The following PAK6 variants were observed in gnomAD, a reference collection of about 807,000 sequenced individuals.
PAK6 encodes serine/threonine-protein kinase PAK 6.
In PAK6, 33 loss-of-function variants were observed where a neutral mutation model predicts 60.8. That is an observed-to-expected ratio of 0.54 (90% CI 0.41 to 0.73). The LOEUF (loss-of-function observed/expected upper bound fraction) is 0.73, where lower values mean the gene tolerates loss of function less well. PAK6 is among the 30% of genes least tolerant of loss of function. The probability of loss-of-function intolerance (pLI) is 0.00; values close to 1 mark genes in which losing one functional copy is unlikely to be tolerated. For missense variants in PAK6, 845 were observed against 904.1 expected, an observed-to-expected ratio of 0.93 and a Z score of 0.84; for synonymous variants, 404 against 378.5, an observed-to-expected ratio of 1.07 and a Z score of -0.78.
At chr15:40,260,899 T>TC in intron 3 of PAK6, among the ~76,000 whole-genome samples, 1 of 151,996 alleles carries the variant, frequency 6.6e-6, no homozygotes, top group African/African-American at 2.4e-5. Flanking sequence ...AATTTCATTT[T>TC]TTTTTTTGAG....
chr15:40,245,803 C>T (rs1245968115), intron 2 of PAK6: 1 of 152,434 alleles, frequency 6.6e-6, no homozygotes. Flanking sequence ...CTGCCCAGCA[C>T]TCTTGCTACC....
At position 40,266,470 on chromosome 15, in the gene PAK6, A is replaced by T. The variant is rs759719893; in HGVS notation, c.833A>T (p.Lys278Met). Residue 278 changes from lysine to methionine, a missense_variant, in exon 5 of 11, where the codon AAG (lysine) becomes ATG (methionine). Physicochemically the swap from Lys to Met is moderately conservative, Grantham distance 95. Coordinates refer to ENST00000560346, the Ensembl canonical transcript of PAK6. The stretch of plus-strand genomic sequence containing the variant: ...GCCACAGCCCCTCCAAGCAGCAGCA[A>T]GCCAGGCCCTCCACCACAGAGCAAG... The T allele has an allele frequency of 3.7e-6, 6 of 1,609,720 alleles. No homozygotes were observed. The African/African-American group carries it at 8.0e-5, about 21-fold the overall frequency.
intron 10 of PAK6, among the ~76,000 whole-genome samples, chr15:40,274,707 G>C (rs1159227740): frequency 6.6e-6 from 1 of 152,248 alleles, no homozygotes; most frequent in African/African-American, 2.4e-5. Context: ...CGGCGAGTCG[G>C]CTCATGCTCC....
chr15:40,258,198 C>T (rs1249735295), intron 3 of PAK6, among the ~76,000 whole-genome samples: 2 of 152,240 alleles, frequency 1.3e-5, no homozygotes, highest in Non-Finnish European at 2.9e-5. Flanking sequence ...CACAGGTCAG[C>T]CCAGGAAAGA....
At chr15:40,245,753 A>G (rs973877314) in intron 2 of PAK6, 2 of 152,400 alleles carry the variant, frequency 1.3e-5, no homozygotes, top group Admixed American at 1.3e-4. Flanking sequence ...ACAGCTAACT[A>G]ATGGCAGAGT....
At chr15:40,265,992 G>A (rs370496102) in exon 5 of PAK6, 1 of 1,602,036 alleles carries the variant, frequency 6.2e-7, no homozygotes, top group Non-Finnish European at 8.5e-7. Context: ...GCTGCTGGGG[G>A]ATGAGCACTG....
intron 3 of PAK6, chr15:40,259,386 T>A (rs2038923103): frequency 6.6e-6 from 1 of 152,280 alleles, no homozygotes; most frequent in Non-Finnish European, 1.5e-5. Context: ...TGTTTTGTCC[T>A]GGGTGATTCA....
chr15:40,275,280 G>GTTTTCTTTTTTTTTTTTTTTTTT (rs1448905930), intron 10 of PAK6, among the ~76,000 whole-genome samples: 4 of 56,486 alleles, frequency 7.1e-5, no homozygotes, highest in Non-Finnish European at 9.2e-5. Context: ...GTTGTTGTTG[G>GTTTTCTTTTTTTTTTTTTTTTTT]TTTTTTTTTT....
At chr15:40,242,241 G>T (rs1052751631) in intron 2 of PAK6, among the ~76,000 whole-genome samples, 3 of 152,202 alleles carry the variant, frequency 2.0e-5, no homozygotes, top group Non-Finnish European at 4.4e-5. Context: ...CCTCTGCGTA[G>T]GTGACTGGGC....
chr15:40,272,354 A>C, exon 6 of PAK6: 1 of 1,613,804 alleles, frequency 6.2e-7, no homozygotes, highest in Non-Finnish European at 8.5e-7. Context: ...AGCAGCCCCC[A>C]GAAGTCCCTC....
rs1200078435 is a variant in PAK6 at position 40,272,735 on chromosome 15, G to A, written c.1356+14G>A. The A allele has an allele frequency of 6.3e-7, 1 of 1,582,082 alleles. No individual in the cohort carries two copies. Among genetic ancestry groups the A allele is most frequent in the East Asian group, 2.2e-5 (1 of 44,550 alleles). On this transcript the variant is annotated intron_variant, in intron 6 of 10. Transcript: ENST00000560346. ...CTCTTCAACGAGGTGGGAGGACAGG[G>A]TGGGACACAGACGGGGGCGTTGGGG... is the stretch of plus-strand genomic sequence containing the variant.
At chr15:40,253,843 C>A (rs1392544123) in intron 3 of PAK6, among the ~76,000 whole-genome samples, 1 of 152,166 alleles carries the variant, frequency 6.6e-6, no homozygotes, top group Admixed American at 6.5e-5. Flanking sequence ...TGAAGAGCTC[C>A]CAGGGTGTAG....
exon 6 of PAK6, chr15:40,272,424 C>T: frequency 6.2e-7 from 1 of 1,613,636 alleles, no homozygotes; most frequent in Non-Finnish European, 8.5e-7. Context: ...GATCCCCCCG[C>T]ACCTGGCACG....
At chr15:40,253,843 C>T (rs1392544123) in intron 3 of PAK6, among the ~76,000 whole-genome samples, 1 of 152,166 alleles carries the variant, frequency 6.6e-6, no homozygotes, top group Non-Finnish European at 1.5e-5. Context: ...TGAAGAGCTC[C>T]CAGGGTGTAG....
chr15:40,275,280 G>GTTTTCTTTTTTTTTTTTTTT (rs1448905930), intron 10 of PAK6, among the ~76,000 whole-genome samples: 1 of 56,486 alleles, frequency 1.8e-5, no homozygotes. Context: ...GTTGTTGTTG[G>GTTTTCTTTTTTTTTTTTTTT]TTTTTTTTTT....
chr15:40,257,137 C>T (rs1000393045), intron 3 of PAK6: 4 of 152,608 alleles, frequency 2.6e-5, no homozygotes, highest in Non-Finnish European at 4.4e-5. Context: ...TGCCGCCCCC[C>T]TCTCACCCCC....
chr15:40,275,941 G>A (rs924721541), exon 11 of PAK6: 1 of 1,613,026 alleles, frequency 6.2e-7, no homozygotes, highest in Admixed American at 1.7e-5. Flanking sequence ...CCCCAGTGCT[G>A]CGAGACTTCC....
intron 2 of PAK6, among the ~76,000 whole-genome samples, chr15:40,243,046 A>G (rs1170763329): frequency 1.3e-5 from 2 of 152,200 alleles, no homozygotes; most frequent in Non-Finnish European, 2.9e-5. Flanking sequence ...AGCCACCATC[A>G]GCCCCCAGGT....
intron 3 of PAK6, among the ~76,000 whole-genome samples, chr15:40,262,099 T>G (rs1332775849): frequency 6.6e-6 from 1 of 152,162 alleles, no homozygotes; most frequent in African/African-American, 2.4e-5. Flanking sequence ...CTGCAGTCTG[T>G]GTCCCTGCAC....
Sources: gnomAD v4.1 joint callset for allele counts (sites outside exome capture counted in the v4.1 genomes callset) on GRCh38, gnomAD v4.1.1 for gene constraint, MANE v1.5 for transcripts, NCBI Gene and HGNC (gene_info 2026-07-23, HGNC 2026-07-21) for gene names.